VIPR2: variants seen among roughly 807,000 people sequenced by gnomAD.
VIPR2 encodes the protein vasoactive intestinal polypeptide receptor 2.
VIPR2 carries 48 observed loss-of-function variants against 58.0 expected under a neutral mutation model. That is an observed-to-expected ratio of 0.83 (90% CI 0.66 to 1.05). VIPR2 has a LOEUF of 1.05. Among genes scored for constraint, VIPR2 ranks in the 50% least tolerant of loss-of-function variants. VIPR2 has a pLI of 0.00. For synonymous variants in VIPR2, 243 were observed against 235.2 expected (o/e 1.03, Z -0.30); for missense variants, 534 against 558.0 (o/e 0.96, Z 0.43).
At position 159,043,016 on chromosome 7, in the gene VIPR2, G is replaced by C; in HGVS notation, c.597+19C>G. 1 of 1,612,784 alleles carries C rather than the reference G, an allele frequency of 6.2e-7. No individual in the cohort carries two copies. Among genetic ancestry groups the C allele is most frequent in the Non-Finnish European group, 8.5e-7 (1 of 1,179,218 alleles). On this transcript the variant is annotated intron_variant, in intron 6 of 12. Transcript: ENST00000262178. ...TAAAGGGACAAGACAGTGGGACCCT[G>C]TGGTGGGGACAGCCTTACCCAGGAG...
intron 5 of VIPR2, among the ~76,000 whole-genome samples, chr7:159,051,243 A>C (rs1563274295): frequency 6.6e-6 from 1 of 152,348 alleles, no homozygotes; most frequent in East Asian, 1.9e-4. Flanking sequence ...TTATATATGG[A>C]ATTAAAATAC....
At chr7:159,037,418 G>A (rs1187356584) in intron 6 of VIPR2, among the ~76,000 whole-genome samples, 1 of 152,264 alleles carries the variant, frequency 6.6e-6, no homozygotes, top group Non-Finnish European at 1.5e-5. Context: ...CAGAACACGA[G>A]TGCAGGTAGA....
chr7:159,086,393 T>C (rs112533071), intron 4 of VIPR2, among the ~76,000 whole-genome samples: 1 of 152,312 alleles, frequency 6.6e-6, no homozygotes, highest in African/African-American at 2.4e-5. Flanking sequence ...CGCGGGGGAC[T>C]GTAACATCCC....
At chr7:159,057,912 C>A (rs776388045) in intron 5 of VIPR2, among the ~76,000 whole-genome samples, 1 of 152,176 alleles carries the variant, frequency 6.6e-6, no homozygotes, top group South Asian at 2.1e-4. Flanking sequence ...ATTTAATAAG[C>A]CCTCATCACA....
At chr7:159,124,976 C>T (rs983180412) in intron 2 of VIPR2, among the ~76,000 whole-genome samples, 1 of 152,070 alleles carries the variant, frequency 6.6e-6, no homozygotes, top group Non-Finnish European at 1.5e-5. Context: ...GTTTTCTGTT[C>T]GTGGATTTTG....
rs1857780011 is a variant in VIPR2, at chr7:159,095,585, T to C, written c.357+8172A>G. Among the ~76,000 whole-genome samples, 1 of 152,224 alleles carries C rather than the reference T, an allele frequency of 6.6e-6. No individual in the cohort carries two copies. Among genetic ancestry groups the C allele is most frequent in the South Asian group, 2.1e-4 (1 of 4,824 alleles). On this transcript the variant is annotated intron_variant, in intron 4 of 12. Transcript: ENST00000262178. The surrounding 1 kb of genome is among the most constrained non-coding windows in gnomAD (Gnocchi z 5.2). ...TGTAAATATAAAACCAATATATTCT[T>C]ATTTTTGAAAAAGCAGAAAATAGAG...
intron 4 of VIPR2, among the ~76,000 whole-genome samples, chr7:159,062,437 C>T (rs1315734799): frequency 6.6e-6 from 1 of 152,166 alleles, no homozygotes; most frequent in Non-Finnish European, 1.5e-5. Context: ...GAGTTTGTTC[C>T]TTCTGCTGGA....
chr7:159,092,089 G>A (rs1390835480), intron 4 of VIPR2, among the ~76,000 whole-genome samples: 7 of 152,312 alleles, frequency 4.6e-5, no homozygotes, highest in East Asian at 1.9e-4. Flanking sequence ...CTCAGAAAAC[G>A]GAGGTGAGAA....
intron 2 of VIPR2, among the ~76,000 whole-genome samples, chr7:159,124,826 A>G (rs541636922): frequency 1.5e-4 from 23 of 152,126 alleles, no homozygotes; most frequent in Non-Finnish European, 2.8e-4. Flanking sequence ...AGTGTTTTAT[A>G]ATTCTCACTG....
intron 2 of VIPR2, 130 bp from the exon 3 acceptor site, chr7:159,110,049 G>C: frequency 2.5e-6 from 2 of 809,570 alleles, no homozygotes; most frequent in Non-Finnish European, 4.0e-6. Flanking sequence ...CACAATTATT[G>C]AGACTATAGT....
At chr7:159,111,951 C>T (rs534883911) in intron 2 of VIPR2, among the ~76,000 whole-genome samples, 120 of 152,192 alleles carry the variant, frequency 7.9e-4, no homozygotes, top group Non-Finnish European at 1.4e-3. Context: ...GTCGAGGTTG[C>T]AGTTAGTAAA....
At chr7:159,062,198 C>T (rs1293168268) in intron 4 of VIPR2, among the ~76,000 whole-genome samples, 2 of 152,138 alleles carry the variant, frequency 1.3e-5, no homozygotes, top group South Asian at 2.1e-4. Context: ...AAGGACACCC[C>T]GAAGGGTTCA....
Position 159,041,152 on chromosome 7 carries a change from C to T in VIPR2, c.597+1883G>A, listed in dbSNP as rs558700283. 8.0e-4 allele frequency among the ~76,000 whole-genome samples: 122 copies of T among 152,292 alleles called. 1 individual carries two copies. Among genetic ancestry groups the T allele is most frequent in the Non-Finnish European group, 1.2e-3 (79 of 68,016 alleles). On this transcript the variant is annotated intron_variant, in intron 6 of 12. Transcript: ENST00000262178. ...AATGGGGCAACTGCTCTTCTGAAGG[C>T]GAATGAGTGTTCACCCAGTGTCCAC... is the stretch of plus-strand genomic sequence containing the variant.
intron 5 of VIPR2, among the ~76,000 whole-genome samples, chr7:159,053,533 G>A (rs975822354): frequency 6.6e-6 from 1 of 152,042 alleles, no homozygotes; most frequent in Non-Finnish European, 1.5e-5. Context: ...AATTGCAATA[G>A]AATTTTTGTT....
chr7:159,112,683 C>A (rs1040057981), intron 2 of VIPR2, among the ~76,000 whole-genome samples: 1 of 133,990 alleles, frequency 7.5e-6, no homozygotes, highest in South Asian at 2.4e-4. Flanking sequence ...AGGCGGCTCA[C>A]GGCGCCTACC....
At chr7:159,123,363 G>A (rs572910984) in intron 2 of VIPR2, among the ~76,000 whole-genome samples, 170 of 145,942 alleles carry the variant, frequency 1.2e-3, no homozygotes, top group African/African-American at 4.1e-3. Flanking sequence ...GTGTTCATAA[G>A]TTCTCATAAT....
intron 4 of VIPR2, among the ~76,000 whole-genome samples, chr7:159,067,880 C>T (rs1856176698): frequency 6.6e-6 from 1 of 152,242 alleles, no homozygotes; most frequent in South Asian, 2.1e-4. Flanking sequence ...GAAGCAGGTA[C>T]TTTGCTGCTG....
At chr7:159,071,739 C>T (rs553594304) in intron 4 of VIPR2, among the ~76,000 whole-genome samples, 51 of 152,362 alleles carry the variant, frequency 3.3e-4, no homozygotes, top group African/African-American at 1.1e-3. Flanking sequence ...GCAGTCACAC[C>T]GCACACAGCA....
Position 159,097,321 on chromosome 7 carries a change from C to T in VIPR2, c.357+6436G>A, listed in dbSNP as rs577779703. ...GTGTGCACTTGAAGCATGGGGAGGC[C>T]GAAATGCCAAACAGTTCTCTTGGCT... On this transcript the variant is annotated intron_variant, in intron 4 of 12. Transcript: ENST00000262178. This position sits in a 1 kb window ranked among gnomAD's most constrained non-coding sequence, Gnocchi z 5.3. The T allele has an allele frequency of 7.7e-5, 96 of 1,241,536 alleles. No homozygotes were observed. The African/African-American group carries it at 9.5e-4, about 12-fold the overall frequency. The allele number at this position is 1,241,536 out of a possible 1,614,324, so 76.9% of individuals were successfully genotyped here.
Sources: gnomAD v4.1 joint callset for allele counts (sites outside exome capture counted in the v4.1 genomes callset) on GRCh38, gnomAD v4.1.1 for gene constraint, Gnocchi (gnomAD v3.1) non-coding constraint, MANE v1.5 for transcripts, NCBI Gene and HGNC (gene_info 2026-07-23, HGNC 2026-07-21) for gene names.